The following TANC2 variants were observed in gnomAD, a reference collection of about 807,000 sequenced individuals.
TANC2 encodes the protein protein TANC2.
A neutral mutation model predicts 210.5 loss-of-function variants in TANC2; 26 were observed. The ratio of observed to expected loss-of-function variants is 0.12; its 90% CI spans 0.09 to 0.17. The LOEUF (loss-of-function observed/expected upper bound fraction) is 0.17. Among genes scored for constraint, TANC2 ranks in the 10% least tolerant of loss-of-function variants. The pLI is 1.00. For missense variants in TANC2, 2,129 were observed against 2,608.9 expected (o/e 0.82, Z 4.01); for synonymous variants, 931 against 967.1 (o/e 0.96, Z 0.69).
chr17:63,206,374 G>C (rs1195522564), intron 7 of TANC2, among the ~76,000 whole-genome samples: 1 of 152,158 alleles, frequency 6.6e-6, no homozygotes, highest in African/African-American at 2.4e-5. Context: ...GTATTGAAAG[G>C]AAGGATTTGG....
chr17:63,415,445 A>G, intron 25 of TANC2, 83 bp from the exon 26 acceptor site: 1 of 1,540,778 alleles, frequency 6.5e-7, no homozygotes, highest in Non-Finnish European at 8.8e-7. Flanking sequence ...ACAGCTGCTG[A>G]GAAGAAGAAG....
At chr17:63,280,171 C>T (rs17202291) in intron 9 of TANC2, among the ~76,000 whole-genome samples, 21,510 of 151,934 alleles carry the variant, frequency 0.14, 1,968 homozygotes, top group Middle Eastern at 0.21. Context: ...TCCACTTGCC[C>T]AGGGTAATAG....
chr17:63,046,325 C>CTT (rs57550590), intron 2 of TANC2, among the ~76,000 whole-genome samples: 2,401 of 44,084 alleles, frequency 0.054, 666 homozygotes, highest in African/African-American at 0.14. Flanking sequence ...ACACCCAGCT[C>CTT]TTTTTTTTTT....
intron 12 of TANC2, among the ~76,000 whole-genome samples, chr17:63,348,314 A>C (rs935074727): frequency 1.3e-5 from 2 of 152,212 alleles, no homozygotes; most frequent in Non-Finnish European, 2.9e-5. Context: ...CAATGGAACT[A>C]CTAAGGAAGA....
chr17:63,065,058 C>G (rs1050697417), intron 2 of TANC2, among the ~76,000 whole-genome samples: 6 of 152,118 alleles, frequency 3.9e-5, no homozygotes, highest in African/African-American at 1.4e-4. Context: ...CACCCCTGCT[C>G]CCTCCAAGCC....
At chr17:63,241,451 C>G (rs1263876293) in intron 8 of TANC2, among the ~76,000 whole-genome samples, 1 of 152,088 alleles carries the variant, frequency 6.6e-6, no homozygotes, top group East Asian at 1.9e-4. Context: ...GTCAGCAAAC[C>G]AGGGCCCATG....
intron 2 of TANC2, among the ~76,000 whole-genome samples, chr17:63,021,248 A>G (rs999722379): frequency 6.6e-6 from 1 of 152,344 alleles, no homozygotes; most frequent in South Asian, 2.1e-4. Flanking sequence ...CTAGAAAAAT[A>G]TATTTTTTCT....
chr17:63,158,887 T>C (rs1257729300), intron 5 of TANC2, among the ~76,000 whole-genome samples: 1 of 152,178 alleles, frequency 6.6e-6, no homozygotes, highest in East Asian at 1.9e-4. Flanking sequence ...TCTTCTTTTG[T>C]GTTTATACAC....
chr17:63,406,053 G>A lies in TANC2; in HGVS notation c.3466-101G>A, dbSNP rs756314905. On this transcript the variant is annotated intron_variant, in intron 20 of 27. Coordinates refer to ENST00000689528, the Ensembl canonical transcript of TANC2. ...AAGTGGAAAGATACATGGGTGACTCGTACAGCAGTAGGAATTCCTACAGAG... is the reference window on the plus strand; with the variant it reads ...AAGTGGAAAGATACATGGGTGACTCATACAGCAGTAGGAATTCCTACAGAG... 7.9e-5 allele frequency: 116 copies of A among 1,466,616 alleles called. 2 individuals carry two copies. Among genetic ancestry groups the A allele is most frequent in the Middle Eastern group, 5.3e-4 (3 of 5,704 alleles). The allele number at this position is 1,466,616 out of a possible 1,614,324, so 90.9% of individuals were successfully genotyped here.
At chr17:63,169,075 G>A (rs2040311043) in intron 5 of TANC2, among the ~76,000 whole-genome samples, 1 of 152,188 alleles carries the variant, frequency 6.6e-6, no homozygotes, top group Non-Finnish European at 1.5e-5. Context: ...GTTACCTCTA[G>A]TGGTGTTGGA....
chr17:63,023,350 TTGTGTGTGTATG>T lies in TANC2; in HGVS notation c.67+13742_67+13753del, dbSNP rs369270740. ...ATGGCACATAGAGCGAAAGATTATT[TTGTGTGTGTATG>T]TGTGTGTGTATGTGTGTATTTTTTT... On this transcript the variant is annotated intron_variant, in intron 2 of 27. Coordinates refer to ENST00000689528, the Ensembl canonical transcript of TANC2. Among the ~76,000 whole-genome samples, 722 of 152,170 alleles carry T rather than the reference TTGTGTGTGTATG, an allele frequency of 4.7e-3. 6 individuals are homozygous for T. Among genetic ancestry groups the T allele is most frequent in the African/African-American group, 0.015 (637 of 41,508 alleles).
At chr17:63,092,181 T>A (rs1282925788) in intron 3 of TANC2, among the ~76,000 whole-genome samples, 1 of 152,168 alleles carries the variant, frequency 6.6e-6, no homozygotes, top group Non-Finnish European at 1.5e-5. Context: ...TGGAGAGTAA[T>A]AATTTTTCTA....
chr17:63,132,859 A>G (rs2038964700), intron 4 of TANC2, among the ~76,000 whole-genome samples: 1 of 152,226 alleles, frequency 6.6e-6, no homozygotes, highest in South Asian at 2.1e-4. Context: ...AAATGCCTCA[A>G]TAGTCATTTT....
At chr17:63,180,004 G>A (rs1433971749) in intron 5 of TANC2, among the ~76,000 whole-genome samples, 2 of 150,568 alleles carry the variant, frequency 1.3e-5, no homozygotes, top group Non-Finnish European at 3.0e-5. Context: ...GCCTTGGTGT[G>A]GTGGCACATG....
intron 7 of TANC2, among the ~76,000 whole-genome samples, chr17:63,217,045 T>C (rs1946313838): frequency 6.6e-6 from 1 of 152,104 alleles, no homozygotes; most frequent in Non-Finnish European, 1.5e-5. Context: ...ACAAAACATA[T>C]CAAAATTTGT....
intron 7 of TANC2, among the ~76,000 whole-genome samples, chr17:63,214,352 A>G (rs1015978695): frequency 6.6e-6 from 1 of 152,244 alleles, no homozygotes; most frequent in Non-Finnish European, 1.5e-5. Context: ...AGGCATTAGT[A>G]ACACAGACCT....
At chr17:63,189,113 C>CT (rs1023818518) in intron 5 of TANC2, among the ~76,000 whole-genome samples, 3 of 150,962 alleles carry the variant, frequency 2.0e-5, no homozygotes, top group African/African-American at 2.4e-5. Context: ...ATCAGTATTT[C>CT]TTTTTTTTTC....
At chr17:63,248,746 A>G (rs747087085) in intron 8 of TANC2, among the ~76,000 whole-genome samples, 3 of 152,138 alleles carry the variant, frequency 2.0e-5, no homozygotes, top group Non-Finnish European at 4.4e-5. Context: ...GAATAAAACT[A>G]TATATATTGT....
chr17:63,288,022 T>A (rs956659026), intron 9 of TANC2, among the ~76,000 whole-genome samples: 6 of 152,234 alleles, frequency 3.9e-5, no homozygotes, highest in African/African-American at 1.4e-4. Context: ...GAACAGGTAC[T>A]ATTTCTGGCC....
Sources: gnomAD v4.1 joint callset for allele counts (sites outside exome capture counted in the v4.1 genomes callset) on GRCh38, gnomAD v4.1.1 for gene constraint, MANE v1.5 for transcripts, NCBI Gene and HGNC (gene_info 2026-07-23, HGNC 2026-07-21) for gene names.